The following ANKRD55 variants were observed in gnomAD, a reference collection of about 807,000 sequenced individuals.
The protein encoded by ANKRD55 is ankyrin repeat domain-containing protein 55.
A neutral mutation model predicts 60.6 loss-of-function variants in ANKRD55; 41 were observed. That is an observed-to-expected ratio of 0.68 (90% CI 0.53 to 0.88). The LOEUF (loss-of-function observed/expected upper bound fraction) is 0.88, where lower values mean the gene tolerates loss of function less well. Among genes scored for constraint, ANKRD55 ranks in the 40% least tolerant of loss-of-function variants. ANKRD55 has a pLI of 0.00. For missense variants in ANKRD55, 732 were observed against 767.6 expected (o/e 0.95, Z 0.55); for synonymous variants, 264 against 290.3 (o/e 0.91, Z 0.92).
In ANKRD55 at chr5:56,143,846, G is replaced by C; in HGVS notation, c.567C>G (p.Thr189=). ...QMLLKKGADP[T]LVDKDFKTAL... is the part of the protein sequence containing the mutation. Reference sequence around the variant, plus strand: ...CGGTTTTAAAGTCTTTATCCACAAGGGTGGGGTCTGCCCCCTTCTTCAGCA... The same window carrying C: ...CGGTTTTAAAGTCTTTATCCACAAGCGTGGGGTCTGCCCCCTTCTTCAGCA... The change falls in exon 7 of 12, where the codon ACC becomes ACG. Residue 189 remains threonine, a synonymous_variant. Coordinates refer to ENST00000341048, the MANE Select transcript of ANKRD55 (RefSeq NM_024669.3). 1 of 1,614,142 alleles carries C rather than the reference G, an allele frequency of 6.2e-7. No individual in the cohort carries two copies. The highest frequency in any genetic ancestry group is 1.1e-5 in the South Asian group (1 of 91,086).
At chr5:56,171,065 C>G (rs533788393) in intron 4 of ANKRD55, among the ~76,000 whole-genome samples, 22 of 152,280 alleles carry the variant, frequency 1.4e-4, no homozygotes, top group Admixed American at 1.2e-3. Flanking sequence ...CTCCCCCTCC[C>G]CATTTCTAGG....
intron 6 of ANKRD55, among the ~76,000 whole-genome samples, chr5:56,153,908 T>A (rs1425522180): frequency 6.7e-5 from 10 of 150,218 alleles, no homozygotes; most frequent in African/African-American, 2.0e-4. Context: ...AGACAAATGC[T>A]TGAGTTGAAA....
At position 56,199,629 on chromosome 5, in the gene ANKRD55, G is replaced by A. The variant is rs769688723; in HGVS notation, c.59-15995C>T. 4.0e-5 allele frequency among the ~76,000 whole-genome samples: 6 copies of A among 151,154 alleles called. No individual in the cohort carries two copies. In the South Asian group the frequency reaches 6.3e-4, roughly 16 times the overall value. ...GGTGTGGCTTGGTTTGGTGGCTCAC[G>A]CCTGTAATCCCAGCACTTTGGGAGG... On this transcript the variant is annotated intron_variant, in intron 2 of 11. Transcript: ENST00000341048.
Position 56,221,559 on chromosome 5 carries a change from C to T in ANKRD55, c.58+11297G>A, listed in dbSNP as rs190894164. On this transcript the variant is annotated intron_variant, in intron 2 of 11. Coordinates refer to ENST00000341048, the MANE Select transcript of ANKRD55 (RefSeq NM_024669.3). ...AAGCAGGGTGAGGCATCACCTCACG[C>T]GGGAAGCGCAAGGGGTGGGGGAATT... 5.5e-4 allele frequency among the ~76,000 whole-genome samples: 83 copies of T among 152,288 alleles called. 1 individual carries two copies. Among genetic ancestry groups the T allele is most frequent in the African/African-American group, 8.2e-4 (34 of 41,560 alleles).
At position 56,111,375 on chromosome 5, in the gene ANKRD55, C is replaced by T. The variant is rs927686842; in HGVS notation, c.1373G>A (p.Gly458Asp). The change falls in exon 10 of 12, where the codon GGC (glycine) becomes GAC (aspartate). Residue 458 changes from glycine (G) to aspartate (D), a missense_variant. By Grantham distance (94) the Gly-to-Asp change is moderately conservative (BLOSUM62 -1). This residue lies in a region of ANKRD55 where 597 missense variants were observed against 607.5 expected (regional missense o/e 0.98). Transcript: ENST00000341048. ...CATATGATGAGGAGCAGAGCTCAGG[C>T]CTGCATGGGAAGTGGCCCTATGGGA... ...TASHRATSHA[G>D]LSSAPHHMAQ... is the part of the protein sequence containing the mutation. 7 of 1,613,964 alleles carry T rather than the reference C, an allele frequency of 4.3e-6. No individual in the cohort carries two copies. The highest frequency in any genetic ancestry group is 5.9e-6 in the Non-Finnish European group (7 of 1,180,040).
rs1758932517 is a variant in ANKRD55, at chr5:56,184,822, C to A, written c.59-1188G>T. 5.3e-5 allele frequency among the ~76,000 whole-genome samples: 8 copies of A among 151,986 alleles called. No individual in the cohort carries two copies. The South Asian group carries it at 1.7e-3, about 32-fold the overall frequency. ...CCGAGGCAGGAGGATTGCTTGAGCCCCAGAGTTCAAGCAGTGAGCTATGAT... is the reference window on the plus strand; with the variant it reads ...CCGAGGCAGGAGGATTGCTTGAGCCACAGAGTTCAAGCAGTGAGCTATGAT... On this transcript the variant is annotated intron_variant, in intron 2 of 11. Coordinates refer to ENST00000341048, the MANE Select transcript of ANKRD55 (RefSeq NM_024669.3).
chr5:56,175,486 G>C (rs1023504768), intron 4 of ANKRD55, among the ~76,000 whole-genome samples: 2 of 152,202 alleles, frequency 1.3e-5, no homozygotes, highest in South Asian at 4.1e-4. Context: ...AGGATTGCAG[G>C]AAGAGTTTGA....
At chr5:56,139,037 G>A (rs1244820820) in intron 7 of ANKRD55, among the ~76,000 whole-genome samples, 1 of 145,050 alleles carries the variant, frequency 6.9e-6, no homozygotes. Flanking sequence ...ATGTACCACT[G>A]TAGTGGGAGA....
Position 56,232,767 on chromosome 5 carries a change from CACTT to C in ANKRD55, c.58+85_58+88del. On this transcript the variant is annotated intron_variant, in intron 2 of 11. Transcript: ENST00000341048. ...ATGAACACACACACACACACACACA[CACTT>C]CTCTTTCTCTCCTTACAACTGTAAA... is the stretch of plus-strand genomic sequence containing the variant. 3.0e-6 allele frequency: 4 copies of C among 1,330,246 alleles called. No homozygotes were observed. The South Asian group carries it at 4.8e-5, about 16-fold the overall frequency. 82.4% of individuals were successfully genotyped at this position (1,330,246 alleles called of 1,614,324 possible). A position where few individuals can be genotyped will look rare whatever the true frequency, so the allele number is the denominator to read the frequency against.
chr5:56,207,541 C>T (rs1046960052), intron 2 of ANKRD55, among the ~76,000 whole-genome samples: 4 of 152,212 alleles, frequency 2.6e-5, no homozygotes, highest in Admixed American at 6.5e-5. Context: ...GCCCACTACA[C>T]ACCCAGACTA....
chr5:56,211,204 A>G (rs1271493412), intron 2 of ANKRD55, among the ~76,000 whole-genome samples: 2 of 152,184 alleles, frequency 1.3e-5, no homozygotes, highest in Non-Finnish European at 2.9e-5. Flanking sequence ...CTGCTACACG[A>G]TTACTTCCAC....
rs79088157 is a variant in ANKRD55 at position 56,116,935 on chromosome 5, G to A, written c.798-153C>T. The A allele has an allele frequency of 6.8e-4, 510 of 751,640 alleles. 8 individuals carry two copies. In the East Asian group the frequency reaches 0.012, roughly 18 times the overall value. The allele number at this position is 751,640 out of a possible 1,614,324, so 46.6% of individuals were successfully genotyped here. A position where few individuals can be genotyped will look rare whatever the true frequency, so the allele number is the denominator to read the frequency against. ...GAAATAGTAAGTGTTAAATGAGCCC[G>A]AAGGATGATGGTGGACATGTGTAGG... On this transcript the variant is annotated intron_variant, in intron 8 of 11. Coordinates refer to ENST00000341048, the MANE Select transcript of ANKRD55 (RefSeq NM_024669.3).
intron 6 of ANKRD55, among the ~76,000 whole-genome samples, chr5:56,144,874 CT>C (rs1372888195): frequency 6.6e-6 from 1 of 152,168 alleles, no homozygotes; most frequent in East Asian, 1.9e-4. Context: ...GGCTCTTCTC[CT>C]TGCTCACTCA....
chr5:56,180,356 C>T (rs1758827196), intron 3 of ANKRD55, among the ~76,000 whole-genome samples: 1 of 152,192 alleles, frequency 6.6e-6, no homozygotes, highest in Non-Finnish European at 1.5e-5. Context: ...ATACTGATTC[C>T]TTCCACTTTA....
At chr5:56,157,824 G>C (rs1432525393) in intron 6 of ANKRD55, among the ~76,000 whole-genome samples, 4 of 152,244 alleles carry the variant, frequency 2.6e-5, no homozygotes, top group African/African-American at 7.2e-5. Flanking sequence ...GAGCCGGCGC[G>C]CGTCCTCCTT....
At chr5:56,109,087 G>A (rs911143659) in intron 10 of ANKRD55, among the ~76,000 whole-genome samples, 6 of 139,076 alleles carry the variant, frequency 4.3e-5, no homozygotes, top group Non-Finnish European at 9.5e-5. Flanking sequence ...ACACCCCACC[G>A]CCCAACAAAA....
rs549297465 is a variant in ANKRD55 at position 56,116,905 on chromosome 5, G to A, written c.798-123C>T. The A allele has an allele frequency of 2.9e-6, 3 of 1,044,280 alleles. No individual in the cohort carries two copies. In the South Asian group the frequency reaches 5.4e-5, roughly 19 times the overall value. The allele number at this position is 1,044,280 out of a possible 1,614,324, so 64.7% of individuals were successfully genotyped here. On this transcript the variant is annotated intron_variant, in intron 8 of 11. Coordinates refer to ENST00000341048, the MANE Select transcript of ANKRD55 (RefSeq NM_024669.3). ...AGGGAAAATCTTGTTGCCATTTACAGTATAGAAATAGTAAGTGTTAAATGA... is the reference window on the plus strand; with the variant it reads ...AGGGAAAATCTTGTTGCCATTTACAATATAGAAATAGTAAGTGTTAAATGA...
At chr5:56,100,429 G>C in intron 11 of ANKRD55, 125 bp from the exon 12 acceptor site, 1 of 1,124,774 alleles carries the variant, frequency 8.9e-7, no homozygotes, top group Non-Finnish European at 1.3e-6. Context: ...GTGAGAGCTA[G>C]ACTGCAGAGA....
intron 2 of ANKRD55, among the ~76,000 whole-genome samples, chr5:56,229,642 C>T (rs1239125699): frequency 1.3e-5 from 2 of 152,164 alleles, no homozygotes. Flanking sequence ...CTCGTTGCCT[C>T]TAGCTAAAGA....
Sources: allele counts gnomAD v4.1 joint callset (sites outside exome capture counted in the v4.1 genomes callset), GRCh38; gene constraint gnomAD v4.1.1; regional missense constraint gnomAD v4.1.1; transcripts MANE v1.5; gene names NCBI Gene and HGNC (gene_info 2026-07-23, HGNC 2026-07-21).